TMEM184A: variants seen among roughly 807,000 people sequenced by gnomAD.
TMEM184A encodes the protein transmembrane protein 184A.
TMEM184A carries 40 observed loss-of-function variants against 39.5 expected under a neutral mutation model. The observed-to-expected ratio is 1.01, with a 90% CI of 0.79 to 1.32. The LOEUF (loss-of-function observed/expected upper bound fraction) is 1.32. Ranked by LOEUF, TMEM184A falls within the 40% of genes most tolerant of loss-of-function variation. TMEM184A has a pLI of 0.00. For synonymous variants in TMEM184A, 280 were observed against 252.3 expected, an observed-to-expected ratio of 1.11 and a Z score of -1.04; for missense variants, 603 against 568.8, an observed-to-expected ratio of 1.06 and a Z score of -0.61.
chr7:1,547,658 G>A (rs1461873704), intron 8 of TMEM184A, 84 bp downstream of exon 8: 1 of 1,412,280 alleles, frequency 7.1e-7, no homozygotes, highest in Non-Finnish European at 9.8e-7. Flanking sequence ...GCATTCCTGG[G>A]CCTCGAGAAT....
At chr7:1,548,126 G>A (rs1784422067) in intron 7 of TMEM184A, among the ~76,000 whole-genome samples, 187 bp from the exon 8 acceptor site, 1 of 152,134 alleles carries the variant, frequency 6.6e-6, no homozygotes, top group South Asian at 2.1e-4. Context: ...GGCACAGCAG[G>A]TGCTCAGGAG....
chr7:1,546,665 T>C lies in TMEM184A; in HGVS notation c.*287A>G, dbSNP rs921391393. ...GCCACACTCACTCTCCGCCCCACAG[T>C]GGCTCCTGGGGCTGATGGCTGGGTG... On this transcript the variant is annotated 3_prime_UTR_variant, in exon 9 of 9. Transcript: ENST00000297477. The C allele has an allele frequency of 1.6e-5, 6 of 384,184 alleles. No individual in the cohort carries two copies. Among genetic ancestry groups the C allele is most frequent in the Non-Finnish European group, 2.3e-5 (5 of 215,540 alleles). 23.8% of individuals were successfully genotyped at this position (384,184 alleles called of 1,614,324 possible).
In TMEM184A at chr7:1,555,175, A is replaced by T. The variant is rs536807849; in HGVS notation, c.219+91T>A. The T allele has an allele frequency of 9.1e-7, 1 of 1,098,706 alleles. No individual in the cohort carries two copies. The highest frequency in any genetic ancestry group is 2.9e-5 in the Admixed American group (1 of 34,908). The allele number at this position is 1,098,706 out of a possible 1,614,324, so 68.1% of individuals were successfully genotyped here. On this transcript the variant is annotated intron_variant, in intron 2 of 8. Transcript: ENST00000297477. This position sits in a 1 kb window ranked among gnomAD's most constrained non-coding sequence, Gnocchi z 5.2. The stretch of plus-strand genomic sequence containing the variant: ...CGATCCCACTTCTGACAGCGTCTAT[A>T]GCAGCGGCACCCAGGGGGACCGGGC...
chr7:1,555,644 G>A lies in TMEM184A; in HGVS notation c.1-160C>T, dbSNP rs773907889. 1.9e-4 allele frequency: 131 copies of A among 677,952 alleles called. 1 individual carries two copies. The highest frequency in any genetic ancestry group is 1.2e-3 in the Middle Eastern group (3 of 2,598). 42.0% of individuals were successfully genotyped at this position (677,952 alleles called of 1,614,324 possible). On this transcript the variant is annotated intron_variant, in intron 1 of 8. Transcript: ENST00000297477. The surrounding 1 kb of genome is among the most constrained non-coding windows in gnomAD (Gnocchi z 5.2). ...CCACACGGACACCAGCGCCAGGCCC[G>A]GCTCCCTCCCTGCTCCGAGCTCAGC... is the stretch of plus-strand genomic sequence containing the variant.
In TMEM184A at chr7:1,547,054, G is replaced by T; in HGVS notation, c.1140C>A (p.His380Gln). Residue 380 changes from histidine (H) to glutamine (Q), a missense_variant, in exon 9 of 9, where the codon CAC becomes CAA. Transcript: ENST00000297477. ...AYQHYTQQAT[H>Q]EAPRPGTHPS... ...GGTGGGTGCCGGGCCTGGGCGCCTCGTGCGTGGCCTGCTGCGTGTAGTGCT... is the reference window on the plus strand; with the variant it reads ...GGTGGGTGCCGGGCCTGGGCGCCTCTTGCGTGGCCTGCTGCGTGTAGTGCT... 1.2e-6 allele frequency: 2 copies of T among 1,608,716 alleles called. No homozygotes were observed. The highest frequency in any genetic ancestry group is 8.5e-7 in the Non-Finnish European group (1 of 1,179,552).
In TMEM184A at chr7:1,542,584, A is replaced by G. The variant is rs1784220836; in HGVS notation, c.*4368T>C. 1 of 152,230 alleles carries G rather than the reference A, an allele frequency of 6.6e-6. No individual in the cohort carries two copies. Among genetic ancestry groups the G allele is most frequent in the African/African-American group, 2.4e-5 (1 of 41,462 alleles). The allele number at this position is 152,230 out of a possible 1,614,324, so 9.4% of individuals were successfully genotyped here. ...CCCCAGGGTGGACGGAGCCGCTGTC[A>G]CCGCCCAGAGCTGGGCCGGGGAAGC... On this transcript the variant is annotated 3_prime_UTR_variant, in exon 9 of 9. Transcript: ENST00000297477.
intron 2 of TMEM184A, among the ~76,000 whole-genome samples, chr7:1,551,459 T>C (rs183079242): frequency 3.3e-5 from 5 of 152,156 alleles, no homozygotes; most frequent in Non-Finnish European, 1.5e-5. Flanking sequence ...GCACCTTCTA[T>C]GTTTGCATTT....
intron 3 of TMEM184A, 137 bp downstream of exon 3, chr7:1,550,680 T>C: frequency 8.5e-7 from 1 of 1,174,956 alleles, no homozygotes; most frequent in Non-Finnish European, 1.2e-6. Flanking sequence ...CCGCTAACCC[T>C]GACTATCCTG....
Position 1,555,378 on chromosome 7 carries a change from T to C in TMEM184A, c.107A>G (p.Asp36Gly), listed in dbSNP as rs1254706019. Residue 36 changes from aspartate to glycine, a missense_variant, in exon 2 of 9, where the codon GAC becomes GGC. Physicochemically the swap from Asp to Gly is moderately conservative, Grantham distance 94. Coordinates refer to ENST00000297477, the MANE Select transcript of TMEM184A (RefSeq NM_001097620.2). The surrounding 1 kb of genome is among the most constrained non-coding windows in gnomAD (Gnocchi z 5.2). ...CCCCTGGGAGCTGTTCCCCATGTGG[T>C]CCATCTGCGGCCCAGCTGGCACAGC... ...PPAVPAGPQM[D>G]HMGNSSQGAP... is the part of the protein sequence containing the mutation. 6.2e-7 allele frequency: 1 copy of C among 1,611,110 alleles called. No individual in the cohort carries two copies. Among genetic ancestry groups the C allele is most frequent in the Non-Finnish European group, 8.5e-7 (1 of 1,179,348 alleles).
chr7:1,550,297 G>A lies in TMEM184A; in HGVS notation c.476+8C>T, dbSNP rs370561077. ...TGGGGTGTGGGGGCTCTGGGGTGAC[G>A]GGCTTACTTGATGGGCTTTCCACGA... On this transcript the variant is annotated splice_region_variant and intron_variant, in intron 4 of 8. Coordinates refer to ENST00000297477, the MANE Select transcript of TMEM184A (RefSeq NM_001097620.2). The A allele has an allele frequency of 4.8e-5, 77 of 1,612,452 alleles. No homozygotes were observed. The African/African-American group carries it at 5.7e-4, about 12-fold the overall frequency.
In TMEM184A at chr7:1,542,978, T is replaced by C. The variant is rs1784236105; in HGVS notation, c.*3974A>G. ...GTCCCTGCGGCCACCACCTAATTTATTGCCGTGCGTCCTGCTGCTGTGACT... is the reference window on the plus strand; with the variant it reads ...GTCCCTGCGGCCACCACCTAATTTACTGCCGTGCGTCCTGCTGCTGTGACT... On this transcript the variant is annotated 3_prime_UTR_variant, in exon 9 of 9. Coordinates refer to ENST00000297477, the MANE Select transcript of TMEM184A (RefSeq NM_001097620.2). 1 of 152,732 alleles carries C rather than the reference T, an allele frequency of 6.5e-6. No individual in the cohort carries two copies. The highest frequency in any genetic ancestry group is 2.1e-4 in the South Asian group (1 of 4,834). The allele number at this position is 152,732 out of a possible 1,614,324, so 9.5% of individuals were successfully genotyped here.
At chr7:1,550,036 G>A in intron 5 of TMEM184A, 87 bp downstream of exon 5, 1 of 1,493,178 alleles carries the variant, frequency 6.7e-7, no homozygotes. Context: ...GCAGCCCCCT[G>A]ACACTGGGTG....
At chr7:1,547,683 C>T (rs1251196972) in intron 8 of TMEM184A, 59 bp downstream of exon 8, 1 of 1,526,582 alleles carries the variant, frequency 6.6e-7, no homozygotes, top group Non-Finnish European at 9.0e-7. Flanking sequence ...CGGACACAGA[C>T]ACGGTGCCCG....
At chr7:1,554,909 C>T (rs1778492399) in intron 2 of TMEM184A, among the ~76,000 whole-genome samples, 1 of 152,208 alleles carries the variant, frequency 6.6e-6, no homozygotes. Flanking sequence ...GGAGAAGGCC[C>T]CTTCCCCTTT....
chr7:1,549,810 C>A (rs1204348468), intron 6 of TMEM184A, 44 bp downstream of exon 6: 6 of 1,534,182 alleles, frequency 3.9e-6, no homozygotes, highest in Non-Finnish European at 5.3e-6. Flanking sequence ...CCGGGGGACC[C>A]AGTGCCCACC....
rs1778545784 is a variant in TMEM184A at position 1,555,898 on chromosome 7, G to A, written c.-1+216C>T. 2 of 268,024 alleles carry A rather than the reference G, an allele frequency of 7.5e-6. No homozygotes were observed. Among genetic ancestry groups the A allele is most frequent in the South Asian group, 7.0e-5 (2 of 28,520 alleles). 16.6% of individuals were successfully genotyped at this position (268,024 alleles called of 1,614,324 possible). A position where few individuals can be genotyped will look rare whatever the true frequency, so the allele number is the denominator to read the frequency against. ...ACTGCCTGCCCCGGCAGGAGGGGGT[G>A]TGCAGCCACCCTCATGGGAGGAGCC... On this transcript the variant is annotated intron_variant, in intron 1 of 8. Coordinates refer to ENST00000297477, the MANE Select transcript of TMEM184A (RefSeq NM_001097620.2). The surrounding 1 kb of genome is among the most constrained non-coding windows in gnomAD (Gnocchi z 5.2).
intron 2 of TMEM184A, 75 bp from the exon 3 acceptor site, chr7:1,551,057 A>C: frequency 8.0e-6 from 3 of 372,836 alleles, no homozygotes; most frequent in Non-Finnish European, 1.4e-5. Flanking sequence ...GCCGGGAAGG[A>C]GGTGGGGGTG....
In TMEM184A at chr7:1,543,414, C is replaced by T. The variant is rs1159143663; in HGVS notation, c.*3538G>A. 1 of 152,314 alleles carries T rather than the reference C, an allele frequency of 6.6e-6. No individual in the cohort carries two copies. Among genetic ancestry groups the T allele is most frequent in the African/African-American group, 2.4e-5 (1 of 41,464 alleles). The allele number at this position is 152,314 out of a possible 1,614,324, so 9.4% of individuals were successfully genotyped here. The stretch of plus-strand genomic sequence containing the variant: ...ACATCTCGCCCAGCTTTGCTGGACT[C>T]TCAGAGGAGCCTGCAGGAAGCTGTG... On this transcript the variant is annotated 3_prime_UTR_variant, in exon 9 of 9. Transcript: ENST00000297477.
At chr7:1,554,722 G>A (rs1346049324) in intron 2 of TMEM184A, among the ~76,000 whole-genome samples, 2 of 152,186 alleles carry the variant, frequency 1.3e-5, no homozygotes, top group Admixed American at 1.3e-4. Context: ...GGACTGCTCC[G>A]GGTCGGGGGC....
Sources: allele counts gnomAD v4.1 joint callset (sites outside exome capture counted in the v4.1 genomes callset), GRCh38; gene constraint gnomAD v4.1.1; non-coding constraint Gnocchi (gnomAD v3.1); transcripts MANE v1.5; gene names NCBI Gene and HGNC (gene_info 2026-07-23, HGNC 2026-07-21).